The following MAGT1 variants were observed in gnomAD, a reference collection of about 807,000 sequenced individuals.
The protein encoded by MAGT1 is dolichyl-diphosphooligosaccharide--protein glycosyltransferase subunit MAGT1.
Under a neutral mutation model 28.4 loss-of-function variants are expected in MAGT1, and 4 were observed. The observed-to-expected ratio is 0.14, with a 90% CI of 0.07 to 0.32. The LOEUF (loss-of-function observed/expected upper bound fraction) is 0.32. MAGT1 is among the 10% of genes least tolerant of loss of function. MAGT1 has a pLI of 1.00. For missense variants in MAGT1, 193 were observed against 264.5 expected (o/e 0.73, Z 1.88); for synonymous variants, 89 against 89.7 (o/e 0.99, Z 0.04).
At position 77,828,993 on chromosome X, in the gene MAGT1, G is replaced by T; in HGVS notation, c.*227C>A. 2.9e-6 allele frequency: 1 copy of T among 344,194 alleles called. No homozygotes were observed. The highest frequency in any genetic ancestry group is 5.1e-5 in the Admixed American group (1 of 19,615). The allele number at this position is 344,194 out of a possible 1,213,427, so 28.4% of individuals were successfully genotyped here. On this transcript the variant is annotated 3_prime_UTR_variant, in exon 10 of 10. Transcript: ENST00000618282. ...AATTAAATGTTCCATAAAGTTCACT[G>T]GGAAGAGAAGGTTAAGAGGATAATT...
intron 7 of MAGT1, among the ~76,000 whole-genome samples, chrX:77,844,542 G>T (rs1557214712): frequency 9.0e-6 from 1 of 111,035 alleles, no homozygotes; most frequent in African/African-American, 3.3e-5. Context: ...TGATGTTAGG[G>T]TGTCAATTTT....
In MAGT1 at chrX:77,883,553, CT is replaced by C. The variant is rs1166624171; in HGVS notation, c.103-7957del. 4.4e-3 allele frequency among the ~76,000 whole-genome samples: 271 copies of C among 61,688 alleles called. 1 individual carries two copies. The highest frequency in any genetic ancestry group is 0.014 in the African/African-American group (238 of 16,919). The allele number at this position is 61,688 out of a possible 115,157, so 53.6% of individuals were successfully genotyped here. A position where few individuals can be genotyped will look rare whatever the true frequency, so the allele number is the denominator to read the frequency against. Reference sequence around the variant, plus strand: ...TTAGATTACTTCCTGAATTCATTTTCTTTTTTTTTTTTTTTTTTTTTTGGTG... The same window carrying C: ...TTAGATTACTTCCTGAATTCATTTTCTTTTTTTTTTTTTTTTTTTTTGGTG... On this transcript the variant is annotated intron_variant, in intron 1 of 9. Transcript: ENST00000618282.
chrX:77,895,102 A>G (rs1419097515), intron 1 of MAGT1, among the ~76,000 whole-genome samples: 1 of 111,357 alleles, frequency 9.0e-6, no homozygotes, highest in Non-Finnish European at 1.9e-5. Context: ...GCTGTCACCT[A>G]CGCTACTCCA....
At position 77,827,863 on chromosome X, in the gene MAGT1, A is replaced by AT. The variant is rs1157029453; in HGVS notation, c.*1356dup. On this transcript the variant is annotated 3_prime_UTR_variant, in exon 10 of 10. Coordinates refer to ENST00000618282, the MANE Select transcript of MAGT1 (RefSeq NM_001367916.1). ...TACACTGATTTTAGCACTAAGCTAT[A>AT]TTTTTATCACAGATGGGTCACCTTA... is the stretch of plus-strand genomic sequence containing the variant. 3 of 111,795 alleles carry AT rather than the reference A, an allele frequency of 2.7e-5. No individual in the cohort carries two copies. The highest frequency in any genetic ancestry group is 6.5e-5 in the African/African-American group (2 of 30,844). 9.2% of individuals were successfully genotyped at this position (111,795 alleles called of 1,213,427 possible).
At chrX:77,852,279 T>G (rs1292866106) in intron 7 of MAGT1, among the ~76,000 whole-genome samples, 1 of 112,566 alleles carries the variant, frequency 8.9e-6, no homozygotes, top group Non-Finnish European at 1.9e-5. Context: ...TTGAATAGAT[T>G]AATTCTCCCA....
intron 4 of MAGT1, among the ~76,000 whole-genome samples, 194 bp from the exon 5 acceptor site, chrX:77,857,067 T>G (rs782422053): frequency 8.9e-6 from 1 of 112,066 alleles, no homozygotes; most frequent in South Asian, 3.7e-4. Context: ...CAATATTCTA[T>G]TTAACCACAA....
In MAGT1 at chrX:77,859,493, A is replaced by G. The variant is rs183811331; in HGVS notation, c.391-1996T>C. On this transcript the variant is annotated intron_variant, in intron 3 of 9. Coordinates refer to ENST00000618282, the MANE Select transcript of MAGT1 (RefSeq NM_001367916.1). ...AATGTTGCAGTGAACATCCTTGCAC[A>G]TATCTCCCTGTACCCATGTGAAAGT... Among the ~76,000 whole-genome samples the G allele has an allele frequency of 4.5e-5, 5 of 112,258 alleles. No individual in the cohort carries two copies. The East Asian group carries it at 8.3e-4, about 19-fold the overall frequency.
chrX:77,880,445 C>T (rs2077048601), intron 1 of MAGT1, among the ~76,000 whole-genome samples: 1 of 109,632 alleles, frequency 9.1e-6, no homozygotes, highest in Non-Finnish European at 1.9e-5. Flanking sequence ...AGGAGAATTG[C>T]TTGAACCCGG....
At chrX:77,849,224 G>A (rs1345601569) in intron 7 of MAGT1, among the ~76,000 whole-genome samples, 3 of 108,555 alleles carry the variant, frequency 2.8e-5, no homozygotes, top group Non-Finnish European at 5.7e-5. Context: ...CCACAGGCAC[G>A]CAGCACCACA....
At chrX:77,830,523 G>A (rs781930237) in intron 9 of MAGT1, among the ~76,000 whole-genome samples, 34 of 110,816 alleles carry the variant, frequency 3.1e-4, no homozygotes, top group Non-Finnish European at 5.1e-4. Flanking sequence ...GCTGAGGCAG[G>A]AGAATCGCTT....
At chrX:77,892,393 A>G (rs1394354161) in intron 1 of MAGT1, among the ~76,000 whole-genome samples, 8 of 111,966 alleles carry the variant, frequency 7.1e-5, no homozygotes, top group Non-Finnish European at 1.5e-4. Context: ...ATTCTCAGAG[A>G]GGGAAGGAGG....
At chrX:77,881,501 G>C (rs2077052408) in intron 1 of MAGT1, among the ~76,000 whole-genome samples, 1 of 102,758 alleles carries the variant, frequency 9.7e-6, no homozygotes, top group Admixed American at 1.1e-4. Context: ...ACCTATGAGT[G>C]AGAACATGCG....
At chrX:77,835,751 T>C (rs917979822) in intron 8 of MAGT1, among the ~76,000 whole-genome samples, 2 of 111,483 alleles carry the variant, frequency 1.8e-5, no homozygotes, top group Non-Finnish European at 3.8e-5. Context: ...TGGAGTACTA[T>C]TCAGTCATTA....
intron 1 of MAGT1, among the ~76,000 whole-genome samples, chrX:77,879,835 CTTTTTT>C (rs536579134): frequency 1.4e-5 from 1 of 73,183 alleles, no homozygotes; most frequent in Non-Finnish European, 2.5e-5. Context: ...CATGATTTGC[CTTTTTT>C]TTTTTTTTTT....
intron 2 of MAGT1, 49 bp downstream of exon 2, chrX:77,875,379 T>C (rs782670807): frequency 8.6e-7 from 1 of 1,161,141 alleles, no homozygotes; most frequent in Middle Eastern, 2.4e-4. Flanking sequence ...TGAGAAATGG[T>C]TAACGTTATA....
chrX:77,861,981 A>G (rs2076995909), intron 3 of MAGT1, among the ~76,000 whole-genome samples: 1 of 111,445 alleles, frequency 9.0e-6, no homozygotes, highest in South Asian at 3.7e-4. Context: ...TTGTACAACA[A>G]TGTGAATGTA....
chrX:77,887,816 T>C (rs889198133), intron 1 of MAGT1, among the ~76,000 whole-genome samples: 2 of 112,306 alleles, frequency 1.8e-5, no homozygotes, highest in African/African-American at 6.5e-5. Context: ...TTCCCGCTAA[T>C]AGTTTTTTTG....
In MAGT1 at chrX:77,870,884, C is replaced by T. The variant is rs782076867; in HGVS notation, c.314G>A (p.Arg105Gln). ...CCTGTTGGTGAATGCACTGGAGTAT[C>T]GCCAGGAGTTTGCCAGGATCTGGAA... ...EEFQILANSWRYSSAFTNRIF... is the reference protein window; with the variant it reads ...EEFQILANSWQYSSAFTNRIF... The change falls in exon 3 of 10, where the codon CGA (arginine) becomes CAA (glutamine). Residue 105 changes from arginine to glutamine, a missense_variant. Arg to Gln is a conservative substitution (Grantham distance 43, BLOSUM62 1). Coordinates refer to ENST00000618282, the MANE Select transcript of MAGT1 (RefSeq NM_001367916.1). The T allele has an allele frequency of 8.3e-7, 1 of 1,210,503 alleles. No homozygotes were observed. The highest frequency in any genetic ancestry group is 1.1e-6 in the Non-Finnish European group (1 of 894,334).
At chrX:77,862,408 AAG>A (rs781790383) in intron 3 of MAGT1, among the ~76,000 whole-genome samples, 2 of 112,443 alleles carry the variant, frequency 1.8e-5, no homozygotes, top group South Asian at 7.2e-4. Flanking sequence ...CAACAAAGTG[AAG>A]AGACAATCTG....
Sources: allele counts gnomAD v4.1 joint callset (sites outside exome capture counted in the v4.1 genomes callset), GRCh38; gene constraint gnomAD v4.1.1; transcripts MANE v1.5; gene names NCBI Gene and HGNC (gene_info 2026-07-23, HGNC 2026-07-21).